Variants in ZBTB7C observed in about 807,000 individuals in gnomAD.
The protein encoded by ZBTB7C is zinc finger and BTB domain-containing protein 7C.
A neutral mutation model predicts 25.7 loss-of-function variants in ZBTB7C; 8 were observed. The ratio of observed to expected loss-of-function variants is 0.31; its 90% CI spans 0.18 to 0.56. The LOEUF is 0.56. ZBTB7C is among the 20% of genes least tolerant of loss of function. The probability of loss-of-function intolerance (pLI) is 0.91; values close to 1 mark genes in which losing one functional copy is unlikely to be tolerated. For missense variants in ZBTB7C, 824 were observed against 855.2 expected (o/e 0.96, Z 0.46); for synonymous variants, 394 against 369.0 (o/e 1.07, Z -0.78).
chr18:48,057,054 A>G (rs1320823680), intron 3 of ZBTB7C, among the ~76,000 whole-genome samples: 6 of 150,626 alleles, frequency 4.0e-5, no homozygotes, highest in Non-Finnish European at 7.4e-5. Context: ...AATTGTCAAA[A>G]AAAAAAAAAA....
chr18:48,172,441 G>A (rs2041514569), intron 3 of ZBTB7C, among the ~76,000 whole-genome samples: 1 of 152,208 alleles, frequency 6.6e-6, no homozygotes, highest in South Asian at 2.1e-4. Flanking sequence ...AGGTAGAAGG[G>A]TTGGGAGCTG....
intron 2 of ZBTB7C, among the ~76,000 whole-genome samples, chr18:48,269,527 G>GGGA (rs1462055586): frequency 1.3e-5 from 2 of 152,204 alleles, no homozygotes; most frequent in Non-Finnish European, 2.9e-5. Flanking sequence ...GGATGAAGTG[G>GGGA]TGGAGAAGAA....
chr18:48,123,149 C>A (rs2039686862), intron 3 of ZBTB7C, among the ~76,000 whole-genome samples: 1 of 152,170 alleles, frequency 6.6e-6, no homozygotes, highest in Non-Finnish European at 1.5e-5. Flanking sequence ...CCATGTGGAT[C>A]ACTGATTGCT....
intron 3 of ZBTB7C, among the ~76,000 whole-genome samples, chr18:48,093,407 C>T (rs1231851499): frequency 6.6e-6 from 1 of 152,196 alleles, no homozygotes; most frequent in Non-Finnish European, 1.5e-5. Flanking sequence ...GGTAAGCAGG[C>T]TCAGGACTGG....
intron 2 of ZBTB7C, among the ~76,000 whole-genome samples, chr18:48,307,453 A>T (rs1448027132): frequency 6.6e-6 from 1 of 152,256 alleles, no homozygotes; most frequent in Admixed American, 6.5e-5. Flanking sequence ...AAGATGGGCT[A>T]CCAAGTCCCA....
At chr18:48,230,186 A>G (rs918046802) in intron 2 of ZBTB7C, among the ~76,000 whole-genome samples, 1 of 152,260 alleles carries the variant, frequency 6.6e-6, no homozygotes, top group Non-Finnish European at 1.5e-5. Context: ...AGGCTCATCA[A>G]ACAACACTCC....
intron 3 of ZBTB7C, among the ~76,000 whole-genome samples, chr18:48,123,029 G>A (rs2039682938): frequency 6.6e-6 from 1 of 152,174 alleles, no homozygotes; most frequent in African/African-American, 2.4e-5. Context: ...TCTGTCTGGA[G>A]GGGCCTGACA....
At chr18:48,069,658 G>A (rs1252676412) in intron 3 of ZBTB7C, among the ~76,000 whole-genome samples, 1 of 151,528 alleles carries the variant, frequency 6.6e-6, no homozygotes, top group Non-Finnish European at 1.5e-5. Context: ...TCAGGAGCAA[G>A]GCTTTGTGCT....
At position 48,040,631 on chromosome 18, in the gene ZBTB7C, TTCCTCCTCC is replaced by T. The variant is rs761290843; in HGVS notation, c.468_476del (p.Glu160_Glu162del). On this transcript the variant is annotated inframe_deletion, in exon 4 of 5. Coordinates refer to ENST00000590800, the MANE Select transcript of ZBTB7C (RefSeq NM_001318841.2). ...TGTCATCATCGTCATCCTCCTCCTC[TTCCTCCTCC>T]TCCTCTTCGTCCTCCTCATCATCAT... 9 of 1,610,610 alleles carry T rather than the reference TTCCTCCTCC, an allele frequency of 5.6e-6. No individual in the cohort carries two copies. Among genetic ancestry groups the T allele is most frequent in the Middle Eastern group, 1.7e-4 (1 of 6,054 alleles).
intron 1 of ZBTB7C, among the ~76,000 whole-genome samples, chr18:48,359,834 G>T (rs528091922): frequency 4.5e-4 from 69 of 152,216 alleles, no homozygotes; most frequent in Admixed American, 9.2e-4. Context: ...GAAGCGAGAG[G>T]CTAGAGACCC....
At chr18:48,344,379 A>G (rs1339755434) in intron 1 of ZBTB7C, among the ~76,000 whole-genome samples, 1 of 152,238 alleles carries the variant, frequency 6.6e-6, no homozygotes, top group African/African-American at 2.4e-5. Context: ...AGTAGGTCCC[A>G]GGTGGAGTCA....
intron 3 of ZBTB7C, among the ~76,000 whole-genome samples, chr18:48,061,206 C>G (rs2037114067): frequency 6.6e-6 from 1 of 152,158 alleles, no homozygotes; most frequent in African/African-American, 2.4e-5. Context: ...CAAAGTTCAA[C>G]AGAGAAAAGG....
At chr18:48,081,932 G>A (rs2038003146) in intron 3 of ZBTB7C, among the ~76,000 whole-genome samples, 1 of 151,766 alleles carries the variant, frequency 6.6e-6, no homozygotes, top group South Asian at 2.1e-4. Flanking sequence ...GAAATGATAT[G>A]TTAGATATAC....
intron 2 of ZBTB7C, among the ~76,000 whole-genome samples, chr18:48,310,290 A>G (rs912111783): frequency 6.6e-6 from 1 of 151,752 alleles, no homozygotes; most frequent in East Asian, 1.9e-4. Flanking sequence ...CACTGTTGTT[A>G]TTATTATTAG....
chr18:48,176,616 CGTGTG>C (rs1245194951), intron 3 of ZBTB7C, among the ~76,000 whole-genome samples: 1 of 149,642 alleles, frequency 6.7e-6, no homozygotes, highest in African/African-American at 2.5e-5. Context: ...AGGAAATACA[CGTGTG>C]TGTGTGTGTG....
chr18:48,076,898 G>A lies in ZBTB7C; in HGVS notation c.-16-35775C>T, dbSNP rs371259437. 1.3e-4 allele frequency: 131 copies of A among 974,394 alleles called. 3 individuals carry two copies. The East Asian group carries it at 0.01, about 75-fold the overall frequency. The allele number at this position is 974,394 out of a possible 1,614,324, so 60.4% of individuals were successfully genotyped here. ...ACCATGATCCCTTTTCCAACAAATCGAATTCAATCAAGGAAGAAGCTTCAA... is the reference window on the plus strand; with the variant it reads ...ACCATGATCCCTTTTCCAACAAATCAAATTCAATCAAGGAAGAAGCTTCAA... On this transcript the variant is annotated intron_variant, in intron 3 of 4. Coordinates refer to ENST00000590800, the MANE Select transcript of ZBTB7C (RefSeq NM_001318841.2).
At chr18:48,348,204 G>A (rs1002040718) in intron 1 of ZBTB7C, among the ~76,000 whole-genome samples, 22 of 152,344 alleles carry the variant, frequency 1.4e-4, no homozygotes, top group African/African-American at 5.3e-4. Context: ...GTTAGGAGTT[G>A]ATGCCGTCAT....
intron 1 of ZBTB7C, among the ~76,000 whole-genome samples, chr18:48,343,521 A>G (rs1237482821): frequency 6.6e-6 from 1 of 151,916 alleles, no homozygotes; most frequent in Non-Finnish European, 1.5e-5. Context: ...TTTAGCCCAC[A>G]CTCTGGAGGC....
intron 3 of ZBTB7C, among the ~76,000 whole-genome samples, chr18:48,115,930 C>T (rs2144691645): frequency 6.6e-6 from 1 of 152,126 alleles, no homozygotes; most frequent in South Asian, 2.1e-4. Flanking sequence ...AGACCAAGGG[C>T]CTCGAAGTAC....
Sources: gnomAD v4.1 joint callset for allele counts (sites outside exome capture counted in the v4.1 genomes callset) on GRCh38, gnomAD v4.1.1 for gene constraint, MANE v1.5 for transcripts, NCBI Gene and HGNC (gene_info 2026-07-23, HGNC 2026-07-21) for gene names.